Variants in BCL2L13 observed in about 807,000 individuals in gnomAD.
BCL2L13 encodes the protein bcl-2-like protein 13.
BCL2L13 carries 13 observed loss-of-function variants against 25.8 expected under a neutral mutation model. That is an observed-to-expected ratio of 0.50 (90% CI 0.33 to 0.80). The LOEUF (loss-of-function observed/expected upper bound fraction) is 0.80. Ranked by LOEUF, BCL2L13 falls within the 30% of genes least tolerant of loss-of-function variation. BCL2L13 has a pLI of 0.02. For synonymous variants in BCL2L13, 244 were observed against 230.3 expected, an observed-to-expected ratio of 1.06 and a Z score of -0.54; for missense variants, 504 against 574.9, an observed-to-expected ratio of 0.88 and a Z score of 1.26.
chr22:17,724,139 G>A (rs1310368825), intron 6 of BCL2L13, among the ~76,000 whole-genome samples: 1 of 151,964 alleles, frequency 6.6e-6, no homozygotes. Flanking sequence ...TGAGTGCAGT[G>A]GCCCATGCTG....
chr22:17,700,089 A>G (rs959799147), intron 5 of BCL2L13, among the ~76,000 whole-genome samples: 1 of 152,116 alleles, frequency 6.6e-6, no homozygotes, highest in Admixed American at 6.6e-5. Flanking sequence ...AACCGCATAG[A>G]AAATGTCCGT....
chr22:17,686,002 G>A (rs1216327687), intron 3 of BCL2L13, among the ~76,000 whole-genome samples: 2 of 151,040 alleles, frequency 1.3e-5, no homozygotes, highest in Non-Finnish European at 3.0e-5. Context: ...TTGATCTCCT[G>A]ACCTCATGAC....
intron 6 of BCL2L13, among the ~76,000 whole-genome samples, chr22:17,722,662 A>C (rs567756201): frequency 2.0e-4 from 30 of 152,220 alleles, no homozygotes; most frequent in Middle Eastern, 3.4e-3. Context: ...AGATCAGCTT[A>C]AATTCCTTGG....
chr22:17,646,964 T>A (rs1440108199), intron 1 of BCL2L13, among the ~76,000 whole-genome samples: 3,862 of 98,704 alleles, frequency 0.039, 29 homozygotes, highest in Non-Finnish European at 0.054. Context: ...TATTTTTTTT[T>A]TTTTTTTTTT....
chr22:17,719,445 TC>T (rs1387865617), intron 6 of BCL2L13, among the ~76,000 whole-genome samples: 14 of 152,150 alleles, frequency 9.2e-5, no homozygotes, highest in African/African-American at 2.9e-4. Flanking sequence ...ATAAAAACAT[TC>T]AAACAAAAAC....
chr22:17,668,426 C>G (rs2059306461), intron 2 of BCL2L13, among the ~76,000 whole-genome samples: 1 of 150,536 alleles, frequency 6.6e-6, no homozygotes, highest in Non-Finnish European at 1.5e-5. Flanking sequence ...ATAGTTTTAG[C>G]TTTTAAATTT....
chr22:17,663,682 C>CTTT (rs2059141198), intron 2 of BCL2L13, among the ~76,000 whole-genome samples: 3 of 84,728 alleles, frequency 3.5e-5, no homozygotes, highest in Admixed American at 1.5e-4. Flanking sequence ...TTACATTTTT[C>CTTT]CTTTTTTTTT....
intron 2 of BCL2L13, among the ~76,000 whole-genome samples, chr22:17,662,691 C>T (rs899338362): frequency 6.6e-6 from 1 of 151,760 alleles, no homozygotes; most frequent in Admixed American, 6.6e-5. Flanking sequence ...TGGTAGTGCG[C>T]ACCCATAATC....
upstream of BCL2L13, among the ~76,000 whole-genome samples, chr22:17,637,085 C>T (rs368212431): frequency 1.3e-4 from 20 of 152,026 alleles, no homozygotes; most frequent in South Asian, 1.2e-3. Flanking sequence ...CTAGCCTGGC[C>T]AACATGGTGA....
chr22:17,663,010 A>G (rs2059121659), intron 2 of BCL2L13, among the ~76,000 whole-genome samples: 1 of 151,890 alleles, frequency 6.6e-6, no homozygotes, highest in Non-Finnish European at 1.5e-5. Context: ...TAGCTGGACC[A>G]CAGGTGCGCA....
upstream of BCL2L13, among the ~76,000 whole-genome samples, chr22:17,635,925 G>A (rs886561095): frequency 1.3e-5 from 2 of 151,712 alleles, no homozygotes; most frequent in South Asian, 2.1e-4. Context: ...TGGCCAGGAT[G>A]GTCTCCATCT....
Position 17,726,833 on chromosome 22 carries a change from C to A in BCL2L13, c.757C>A (p.Pro253Thr), listed in dbSNP as rs201411768. Residue 253 changes from proline to threonine, a missense_variant, in exon 7 of 7, where the codon CCT (proline) becomes ACT (threonine). Physicochemically the swap from Pro to Thr is conservative, Grantham distance 38. Transcript: ENST00000317582. ...VTTSWQSESL[P>T]VSLSASQSWH... ...CACTTCCTGGCAGTCTGAGAGCTTACCTGTGTCACTGTCAGCTAGCCAGAG... is the reference window on the plus strand; with the variant it reads ...CACTTCCTGGCAGTCTGAGAGCTTAACTGTGTCACTGTCAGCTAGCCAGAG... The A allele has an allele frequency of 1.2e-6, 2 of 1,613,850 alleles. No homozygotes were observed. The highest frequency in any genetic ancestry group is 2.7e-5 in the African/African-American group (2 of 74,934).
chr22:17,716,823 G>A (rs1166571647), intron 6 of BCL2L13, among the ~76,000 whole-genome samples: 1 of 152,112 alleles, frequency 6.6e-6, no homozygotes, highest in African/African-American at 2.4e-5. Context: ...TCTCCTCTAA[G>A]TAATTGATGG....
intron 1 of BCL2L13, among the ~76,000 whole-genome samples, chr22:17,630,934 T>C (rs1348852837): frequency 6.6e-6 from 1 of 151,908 alleles, no homozygotes; most frequent in African/African-American, 2.4e-5. Flanking sequence ...TTTTATAACC[T>C]TCTTATAACC....
intron 6 of BCL2L13, among the ~76,000 whole-genome samples, chr22:17,711,304 CT>C (rs765639315): frequency 8.9e-4 from 111 of 125,092 alleles, no homozygotes; most frequent in Admixed American, 1.7e-3. Context: ...CATGATGGGC[CT>C]TTTTTTTTTT....
At chr22:17,725,535 A>T (rs1019059915) in intron 6 of BCL2L13, among the ~76,000 whole-genome samples, 3 of 152,112 alleles carry the variant, frequency 2.0e-5, no homozygotes, top group Non-Finnish European at 4.4e-5. Context: ...TTCCCATCTG[A>T]ACTTTTTTTC....
At chr22:17,672,492 A>G (rs1173746777) in intron 2 of BCL2L13, among the ~76,000 whole-genome samples, 1 of 152,160 alleles carries the variant, frequency 6.6e-6, no homozygotes, top group African/African-American at 2.4e-5. Context: ...AAGTCTGTTT[A>G]TCTTTGAAAT....
chr22:17,719,690 G>A (rs1601786627), intron 6 of BCL2L13, among the ~76,000 whole-genome samples: 1 of 151,892 alleles, frequency 6.6e-6, no homozygotes, highest in African/African-American at 2.4e-5. Flanking sequence ...TTAGCTGGGC[G>A]TGGTGGTGGG....
In BCL2L13 at chr22:17,683,226, A is replaced by G. The variant is rs1482480185; in HGVS notation, c.134A>G (p.Asp45Gly). The G allele has an allele frequency of 5.1e-6, 8 of 1,561,808 alleles. No homozygotes were observed. In the Admixed American group the frequency reaches 5.3e-5, roughly 10 times the overall value. The change falls in exon 3 of 7, where the codon GAT becomes GGT. Residue 45 changes from aspartate (D) to glycine (G), a missense_variant. Physicochemically the swap from Asp to Gly is moderately conservative, Grantham distance 94. Coordinates refer to ENST00000317582, the MANE Select transcript of BCL2L13 (RefSeq NM_015367.4). ...HLSSPQGVQL[D>G]IASQSLDQEI... ...TTGTTGCTTTCAGGGGTTCAACTAG[A>G]TATAGCTTCACAATCTCTGGATCAA... is the stretch of plus-strand genomic sequence containing the variant.
Sources: gnomAD v4.1 joint callset for allele counts (sites outside exome capture counted in the v4.1 genomes callset) on GRCh38, gnomAD v4.1.1 for gene constraint, MANE v1.5 for transcripts, NCBI Gene and HGNC (gene_info 2026-07-23, HGNC 2026-07-21) for gene names.